Variants in RPAP1 observed in about 807,000 individuals in gnomAD.
The protein encoded by RPAP1 is RNA polymerase II-associated protein 1.
A neutral mutation model predicts 142.4 loss-of-function variants in RPAP1; 109 were observed. The observed-to-expected ratio is 0.77, with a 90% CI of 0.66 to 0.90. The LOEUF is 0.90. Ranked by LOEUF, RPAP1 falls within the 40% of genes least tolerant of loss-of-function variation. The pLI is 0.00. For synonymous variants in RPAP1, 704 were observed against 738.9 expected (o/e 0.95, Z 0.77); for missense variants, 1,546 against 1,751.7 (o/e 0.88, Z 2.10).
chr15:41,521,179 G>T, intron 21 of RPAP1, 32 bp from the exon 22 acceptor site: 2 of 1,508,644 alleles, frequency 1.3e-6, no homozygotes, highest in Non-Finnish European at 1.8e-6. Flanking sequence ...AAAAATGAGG[G>T]CTGGAACCAC....
rs2051746126 is a variant in RPAP1, at chr15:41,522,969, G to A, written c.2547-9C>T. ...AGAGAAGGGAGCAGTGCCTGTAGGTGAAGTGGAGAGTCTGAGGGGGACTCT... is the reference window on the plus strand; with the variant it reads ...AGAGAAGGGAGCAGTGCCTGTAGGTAAAGTGGAGAGTCTGAGGGGGACTCT... On this transcript the variant is annotated splice_polypyrimidine_tract_variant and intron_variant, in intron 18 of 24. Transcript: ENST00000304330. The A allele has an allele frequency of 6.6e-7, 1 of 1,518,080 alleles. No homozygotes were observed. The highest frequency in any genetic ancestry group is 2.4e-5 in the Admixed American group (1 of 41,470). The allele number at this position is 1,518,080 out of a possible 1,614,324, so 94.0% of individuals were successfully genotyped here.
intron 9 of RPAP1, among the ~76,000 whole-genome samples, chr15:41,528,970 T>C (rs1200348): frequency 0.54 from 82,668 of 151,884 alleles, 22,876 homozygotes; most frequent in African/African-American, 0.64. Flanking sequence ...AAGGCCACAG[T>C]GCAGGAGGCA....
chr15:41,522,619 A>G, intron 19 of RPAP1, 146 bp downstream of exon 19: 1 of 674,088 alleles, frequency 1.5e-6, no homozygotes, highest in Non-Finnish European at 2.4e-6. Flanking sequence ...CGAACTCCCG[A>G]CCTCAGGTGA....
intron 6 of RPAP1, among the ~76,000 whole-genome samples, chr15:41,534,137 G>C (rs936609857): frequency 2.0e-5 from 3 of 149,516 alleles, no homozygotes; most frequent in Non-Finnish European, 4.4e-5. Flanking sequence ...AAAAAAAAAG[G>C]CCGGGCATGG....
In RPAP1 at chr15:41,522,873, G is replaced by A; in HGVS notation, c.2634C>T (p.Gly878=). 1 of 1,579,216 alleles carries A rather than the reference G, an allele frequency of 6.3e-7. No individual in the cohort carries two copies. The highest frequency in any genetic ancestry group is 8.6e-7 in the Non-Finnish European group (1 of 1,169,512). ...AGCCAGCCAGACTGAGACGGGGGCA[G>A]CCTCCCGAGCAGCCCAGTGACACGA... is the stretch of plus-strand genomic sequence containing the variant. The part of the protein sequence containing the change: ...PSLVSLGCSG[G]CPRLSLAGSA... The change falls in exon 19 of 25, where the codon GGC becomes GGT. Residue 878 remains glycine (G), a synonymous_variant. Transcript: ENST00000304330.
Position 41,527,287 on chromosome 15 carries a change from G to A in RPAP1, c.1626C>T (p.Thr542=). 6.2e-7 allele frequency: 1 copy of A among 1,614,166 alleles called. No individual in the cohort carries two copies. The highest frequency in any genetic ancestry group is 8.5e-7 in the Non-Finnish European group (1 of 1,180,028). Reference sequence around the variant, plus strand: ...CGTAGCGCAGCCGAGGCAGCAGGCTGGTAGCCAGGAGCCCCTGGGAGTTGG... The same window carrying A: ...CGTAGCGCAGCCGAGGCAGCAGGCTAGTAGCCAGGAGCCCCTGGGAGTTGG... ...RHDVIKGLLA[T]SLLPRLRYVL... Residue 542 remains threonine, a synonymous_variant, in exon 13 of 25, where the codon ACC becomes ACT. Transcript: ENST00000304330.
In RPAP1 at chr15:41,531,149, C is replaced by G; in HGVS notation, c.817G>C (p.Gly273Arg). ...RSHSHTQEQTGETASEEQRPG... is the reference protein window; with the variant it reads ...RSHSHTQEQTRETASEEQRPG... ...CTCTGCTCCTCAGAGGCTGTCTCTC[C>G]TGTTTGCTCTTGCGTGTGGCTGTGA... is the stretch of plus-strand genomic sequence containing the variant. Residue 273 changes from glycine (G) to arginine (R), a missense_variant, in exon 7 of 25, where the codon GGA (glycine) becomes CGA (arginine). This residue lies in a region of RPAP1 where 1,333 missense variants were observed against 1,486.6 expected (regional missense o/e 0.90). Transcript: ENST00000304330. 1 of 1,613,960 alleles carries G rather than the reference C, an allele frequency of 6.2e-7. No individual in the cohort carries two copies. The highest frequency in any genetic ancestry group is 8.5e-7 in the Non-Finnish European group (1 of 1,179,886).
rs575656055 is a variant in RPAP1 at position 41,534,467 on chromosome 15, T to C, written c.763+247A>G. ...TGAGTGTGGTGGTGTGTGCCTATAA[T>C]CCCAGCTACACAGGAGGCTGAAGTG... On this transcript the variant is annotated intron_variant, in intron 6 of 24. Coordinates refer to ENST00000304330, the MANE Select transcript of RPAP1 (RefSeq NM_015540.4). Among the ~76,000 whole-genome samples the C allele has an allele frequency of 5.5e-5, 8 of 146,328 alleles. No homozygotes were observed. The South Asian group carries it at 1.1e-3, about 20-fold the overall frequency.
At chr15:41,523,144 C>A (rs2051748368) in intron 18 of RPAP1, 101 bp downstream of exon 18, 2 of 1,007,530 alleles carry the variant, frequency 2.0e-6, no homozygotes, top group South Asian at 3.3e-5. Flanking sequence ...GGGCCGAGGG[C>A]CTGCACCCTG....
intron 20 of RPAP1, 106 bp downstream of exon 20, chr15:41,521,992 G>A: frequency 6.4e-7 from 1 of 1,557,574 alleles, no homozygotes; most frequent in Non-Finnish European, 8.8e-7. Context: ...GGGCATGTCT[G>A]GAGGAAAGTG....
chr15:41,536,845 A>C, intron 2 of RPAP1, 100 bp downstream of exon 2: 1 of 1,461,948 alleles, frequency 6.8e-7, no homozygotes, highest in East Asian at 2.3e-5. Context: ...GCAGTGTCTG[A>C]AATAATAATG....
intron 14 of RPAP1, among the ~76,000 whole-genome samples, chr15:41,526,503 T>C (rs1164687754): frequency 6.6e-6 from 1 of 152,236 alleles, no homozygotes; most frequent in Non-Finnish European, 1.5e-5. Context: ...TCCTCCTGCC[T>C]TGGCCTCCCA....
chr15:41,519,067 T>A (rs1018350804), intron 22 of RPAP1, among the ~76,000 whole-genome samples: 1 of 152,120 alleles, frequency 6.6e-6, no homozygotes, highest in East Asian at 1.9e-4. Context: ...TTTCCAATAA[T>A]TTTTTGTAGA....
At chr15:41,522,729 C>A in intron 19 of RPAP1, 36 bp downstream of exon 19, 1 of 1,495,128 alleles carries the variant, frequency 6.7e-7, no homozygotes, top group South Asian at 1.3e-5. Flanking sequence ...CATCTTGGCC[C>A]CTTGCCTGGC....
At chr15:41,538,771 T>C (rs1014102365) in intron 1 of RPAP1, among the ~76,000 whole-genome samples, 2 of 151,968 alleles carry the variant, frequency 1.3e-5, no homozygotes, top group African/African-American at 2.4e-5. Context: ...GAAATTAACA[T>C]AGAGACCTTA....
chr15:41,538,228 G>C (rs1335072872), intron 1 of RPAP1, among the ~76,000 whole-genome samples: 2 of 152,210 alleles, frequency 1.3e-5, no homozygotes, highest in Non-Finnish European at 2.9e-5. Flanking sequence ...GGGCGACAGA[G>C]TGAGACTCTG....
chr15:41,522,622 T>A (rs2051740023), intron 19 of RPAP1, 143 bp downstream of exon 19: 2 of 691,292 alleles, frequency 2.9e-6, no homozygotes, highest in Non-Finnish European at 4.6e-6. Context: ...ACTCCCGACC[T>A]CAGGTGATCT....
At chr15:41,534,583 C>CAAAAAA (rs764568682) in intron 6 of RPAP1, 131 bp downstream of exon 6, 11 of 179,498 alleles carry the variant, frequency 6.1e-5, no homozygotes, top group East Asian at 2.5e-4. Context: ...AAGACCATCT[C>CAAAAAA]AAAAAAAAAA....
chr15:41,536,003 G>T, intron 4 of RPAP1, 126 bp downstream of exon 4: 1 of 698,602 alleles, frequency 1.4e-6, no homozygotes, highest in Non-Finnish European at 2.5e-6. Context: ...GGTATGAAGT[G>T]CTTAGTATGA....
Sources: gnomAD v4.1 joint callset for allele counts (sites outside exome capture counted in the v4.1 genomes callset) on GRCh38, gnomAD v4.1.1 for gene constraint, gnomAD v4.1.1 regional missense constraint, MANE v1.5 for transcripts, NCBI Gene and HGNC (gene_info 2026-07-23, HGNC 2026-07-21) for gene names.